Variants in MINK1 observed in about 807,000 individuals in gnomAD.
The protein encoded by MINK1 is misshapen-like kinase 1.
In MINK1, 46 loss-of-function variants were observed where a neutral mutation model predicts 178.4. The ratio of observed to expected loss-of-function variants is 0.26; its 90% CI spans 0.20 to 0.33. MINK1 has a LOEUF of 0.33. Among genes scored for constraint, MINK1 ranks in the 10% least tolerant of loss-of-function variants. The probability of loss-of-function intolerance (pLI) is 1.00; values close to 1 mark genes in which losing one functional copy is unlikely to be tolerated. For synonymous variants in MINK1, 797 were observed against 709.7 expected (o/e 1.12, Z -1.96); for missense variants, 1,366 against 1,814.9 (o/e 0.75, Z 4.49).
rs1391567031 is a variant in MINK1 at position 4,887,574 on chromosome 17, G to C, written c.1020-6G>C. On this transcript the variant is annotated splice_polypyrimidine_tract_variant and splice_region_variant and intron_variant, in intron 11 of 31. Transcript: ENST00000355280. This position sits in a 1 kb window ranked among gnomAD's most constrained non-coding sequence, Gnocchi z 7.6. ...CCCAGTGCTTCTTTGTGCCACCCCTGCCCAGCTCCATCATGAACGTGCCTG... is the reference window on the plus strand; with the variant it reads ...CCCAGTGCTTCTTTGTGCCACCCCTCCCCAGCTCCATCATGAACGTGCCTG... 2 of 1,511,816 alleles carry C rather than the reference G, an allele frequency of 1.3e-6. No individual in the cohort carries two copies. Among genetic ancestry groups the C allele is most frequent in the Admixed American group, 4.6e-5 (2 of 43,562 alleles). 93.7% of individuals were successfully genotyped at this position (1,511,816 alleles called of 1,614,324 possible). A position where few individuals can be genotyped will look rare whatever the true frequency, so the allele number is the denominator to read the frequency against.
chr17:4,887,211 C>T lies in MINK1; in HGVS notation c.1019+32C>T, dbSNP rs765988442. ...CTGGCAGGTGGAGTGGGGGTTGGGG[C>T]GGTCATCGCTGAGTGGGGGGACTAC... On this transcript the variant is annotated intron_variant, in intron 11 of 31. Coordinates refer to ENST00000355280, the MANE Select transcript of MINK1 (RefSeq NM_153827.5). This position sits in a 1 kb window ranked among gnomAD's most constrained non-coding sequence, Gnocchi z 7.6. The T allele has an allele frequency of 1.1e-5, 18 of 1,569,052 alleles. No homozygotes were observed. Among genetic ancestry groups the T allele is most frequent in the East Asian group, 9.3e-5 (4 of 43,066 alleles).
Position 4,881,272 on chromosome 17 carries a change from C to A in MINK1, c.306+15C>A. On this transcript the variant is annotated intron_variant, in intron 4 of 31. Coordinates refer to ENST00000355280, the MANE Select transcript of MINK1 (RefSeq NM_153827.5). The stretch of plus-strand genomic sequence containing the variant: ...ACCAGCTCTGGGTGAGAAACGCCCC[C>A]CTGCCCGCCTTCCCTCCCCGCAATC... 3 of 1,536,126 alleles carry A rather than the reference C, an allele frequency of 2.0e-6. No homozygotes were observed. The highest frequency in any genetic ancestry group is 2.6e-6 in the Non-Finnish European group (3 of 1,146,302).
At position 4,895,764 on chromosome 17, in the gene MINK1, C is replaced by A; in HGVS notation, c.3296C>A (p.Pro1099Gln). ...WLRNKILHND[P>Q]EVEKKQGWTT... is the part of the protein sequence containing the mutation. The stretch of plus-strand genomic sequence containing the variant: ...CGGAACAAGATTCTGCACAATGACC[C>A]AGAAGTGGAGAAGAAGCAGGGCTGG... Residue 1099 changes from proline (P) to glutamine (Q), a missense_variant, in exon 27 of 32, where the codon CCA becomes CAA. Pro to Gln is a moderately conservative substitution (Grantham distance 76). This residue lies in a region of MINK1 where 77 missense variants were observed against 119.5 expected (regional missense o/e 0.64). Transcript: ENST00000355280. The surrounding 1 kb of genome is among the most constrained non-coding windows in gnomAD (Gnocchi z 4.3). 1 of 1,613,822 alleles carries A rather than the reference C, an allele frequency of 6.2e-7. No homozygotes were observed. The highest frequency in any genetic ancestry group is 1.1e-5 in the South Asian group (1 of 91,062).
At chr17:4,892,929 G>A (rs1474173009) in intron 19 of MINK1, 50 bp from the exon 20 acceptor site, 1 of 1,483,418 alleles carries the variant, frequency 6.7e-7, no homozygotes, top group African/African-American at 1.4e-5. Context: ...GTGGGCTTGA[G>A]GCCATCCCTT....
At chr17:4,874,443 CA>C (rs1201991970) in intron 1 of MINK1, among the ~76,000 whole-genome samples, 3 of 152,106 alleles carry the variant, frequency 2.0e-5, no homozygotes, top group Non-Finnish European at 4.4e-5. Flanking sequence ...CAGTTCTGGG[CA>C]GAAGAGTAAA....
chr17:4,890,079 C>T, intron 13 of MINK1: 2 of 486,634 alleles, frequency 4.1e-6, no homozygotes, highest in Non-Finnish European at 7.2e-6. Context: ...TCATCCCCTC[C>T]CCTACCTCTC....
At chr17:4,869,930 G>A (rs1330149935) in intron 1 of MINK1, among the ~76,000 whole-genome samples, 1 of 50,918 alleles carries the variant, frequency 2.0e-5, no homozygotes, top group Admixed American at 2.5e-4. Context: ...TTTTTGAGAT[G>A]GAGTCTTGCT....
intron 1 of MINK1, chr17:4,859,030 T>G: frequency 1.4e-6 from 1 of 704,018 alleles, no homozygotes; most frequent in Non-Finnish European, 1.7e-6. Context: ...CTGTTTCCTG[T>G]CAGGGGTAGG....
Position 4,887,510 on chromosome 17 carries a change from G to A in MINK1, c.1020-70G>A. 3.6e-6 allele frequency: 5 copies of A among 1,371,446 alleles called. No individual in the cohort carries two copies. Among genetic ancestry groups the A allele is most frequent in the Non-Finnish European group, 4.9e-6 (5 of 1,026,922 alleles). The allele number at this position is 1,371,446 out of a possible 1,614,324, so 85.0% of individuals were successfully genotyped here. ...CCAGTTAAAGCACCCACTCAGGCGG[G>A]CCCACGGGGTTGAGAGTGGGAACCA... On this transcript the variant is annotated intron_variant, in intron 11 of 31. Transcript: ENST00000355280. The surrounding 1 kb of genome is among the most constrained non-coding windows in gnomAD (Gnocchi z 7.6).
rs1229434911 is a variant in MINK1, at chr17:4,892,210, G to A, written c.2063G>A (p.Arg688Gln). ...AACACCAGTGGGGCCGGAGGGTCCC[G>A]GCCAGCCCAGGCAGTCCGTGCCAGG... ...ALNTSGAGGS[R>Q]PAQAVRARPR... Residue 688 changes from arginine to glutamine, a missense_variant, in exon 17 of 32, where the codon CGG (arginine) becomes CAG (glutamine). Physicochemically the swap from Arg to Gln is conservative, Grantham distance 43. Transcript: ENST00000355280. 15 of 1,593,426 alleles carry A rather than the reference G, an allele frequency of 9.4e-6. No homozygotes were observed. The highest frequency in any genetic ancestry group is 1.3e-5 in the Non-Finnish European group (15 of 1,171,082).
At position 4,836,399 on chromosome 17, in the gene MINK1, A is replaced by G. The variant is rs1196785171; in HGVS notation, c.57+2759A>G. 6.6e-6 allele frequency among the ~76,000 whole-genome samples: 1 copy of G among 152,160 alleles called. No individual in the cohort carries two copies. On this transcript the variant is annotated intron_variant, in intron 1 of 31. Coordinates refer to ENST00000355280, the MANE Select transcript of MINK1 (RefSeq NM_153827.5). The surrounding 1 kb of genome is among the most constrained non-coding windows in gnomAD (Gnocchi z 4.3). ...GACCTGCTACTTTGTAGCCACAGCC[A>G]CACTTGACCTCTTTGAGGTTCCTTT...
At position 4,895,119 on chromosome 17, in the gene MINK1, G is replaced by A. The variant is rs749408016; in HGVS notation, c.2962G>A (p.Asp988Asn). The A allele has an allele frequency of 1.9e-5, 31 of 1,613,654 alleles. No individual in the cohort carries two copies. Among genetic ancestry groups the A allele is most frequent in the African/African-American group, 2.7e-5 (2 of 74,914 alleles). ...EGTRLDQLQYDVRKGSVVNVN... is the reference protein window; with the variant it reads ...EGTRLDQLQYNVRKGSVVNVN... ...CACTCGGCTCGACCAGCTGCAGTAC[G>A]ACGTGAGGAAGGGTTCTGTGGTCAA... Residue 988 changes from aspartate (D) to asparagine (N), a missense_variant, in exon 25 of 32, where the codon GAC becomes AAC. Around this residue, in one of 14 missense-constraint regions of MINK1, gnomAD observed 709 missense variants for 692.3 expected, o/e 1.02. Transcript: ENST00000355280. This position sits in a 1 kb window ranked among gnomAD's most constrained non-coding sequence, Gnocchi z 4.3.
chr17:4,879,702 G>A (rs36167264), intron 2 of MINK1, among the ~76,000 whole-genome samples: 93,632 of 152,048 alleles, frequency 0.62, 30,657 homozygotes, highest in Non-Finnish European at 0.74. Flanking sequence ...AAGGATGTTG[G>A]GGGAGGAGGG....
At chr17:4,859,243 G>C in intron 1 of MINK1, 1 of 985,302 alleles carries the variant, frequency 1.0e-6, no homozygotes, top group Non-Finnish European at 1.2e-6. Flanking sequence ...CTACCATTCT[G>C]GAAGCTCCCT....
intron 1 of MINK1, among the ~76,000 whole-genome samples, chr17:4,852,117 G>A (rs1912103026): frequency 6.6e-6 from 1 of 151,530 alleles, no homozygotes; most frequent in South Asian, 2.1e-4. Context: ...TTCACTTTTA[G>A]TAGCTGCTCT....
In MINK1 at chr17:4,896,384, C is replaced by G. The variant is rs764575791; in HGVS notation, c.3615+42C>G. On this transcript the variant is annotated intron_variant, in intron 29 of 31. Coordinates refer to ENST00000355280, the MANE Select transcript of MINK1 (RefSeq NM_153827.5). The surrounding 1 kb of genome is among the most constrained non-coding windows in gnomAD (Gnocchi z 4.6). ...TGCTGGGGGAGTGGGATGGCCCAGT[C>G]TGGGCACCAGACACGGAGACTCTAG... 3 of 1,607,822 alleles carry G rather than the reference C, an allele frequency of 1.9e-6. No individual in the cohort carries two copies. The highest frequency in any genetic ancestry group is 2.6e-6 in the Non-Finnish European group (3 of 1,176,298).
At chr17:4,865,666 T>G (rs1236642795) in intron 1 of MINK1, among the ~76,000 whole-genome samples, 1 of 148,772 alleles carries the variant, frequency 6.7e-6, no homozygotes, top group African/African-American at 2.5e-5. Flanking sequence ...GAGGATCGCT[T>G]GAGCCCAGAA....
chr17:4,841,943 C>G (rs1036991627), intron 1 of MINK1, among the ~76,000 whole-genome samples: 1 of 151,700 alleles, frequency 6.6e-6, no homozygotes, highest in East Asian at 1.9e-4. Flanking sequence ...TTGGGAGCAC[C>G]GGGCACGGTG....
intron 20 of MINK1, 60 bp downstream of exon 20, chr17:4,893,127 G>A (rs1969037681): frequency 6.6e-7 from 1 of 1,526,580 alleles, no homozygotes; most frequent in South Asian, 1.2e-5. Flanking sequence ...TAGCCTCAGG[G>A]TGCTGGGTGT....
Sources: gnomAD v4.1 joint callset for allele counts (sites outside exome capture counted in the v4.1 genomes callset) on GRCh38, gnomAD v4.1.1 for gene constraint, gnomAD v4.1.1 regional missense constraint, Gnocchi (gnomAD v3.1) non-coding constraint, MANE v1.5 for transcripts, NCBI Gene and HGNC (gene_info 2026-07-23, HGNC 2026-07-21) for gene names.